LRRK2: variants seen among roughly 807,000 people sequenced by gnomAD.
The protein encoded by LRRK2 is leucine rich repeat kinase 2.
Under a neutral mutation model 302.6 loss-of-function variants are expected in LRRK2, and 203 were observed. The ratio of observed to expected loss-of-function variants is 0.67; its 90% CI spans 0.60 to 0.75. The LOEUF (loss-of-function observed/expected upper bound fraction) is 0.75. LRRK2 is among the 30% of genes least tolerant of loss of function. The probability of loss-of-function intolerance (pLI) is 0.00; values close to 1 mark genes in which losing one functional copy is unlikely to be tolerated. For synonymous variants in LRRK2, 1,066 were observed against 1,031.9 expected (o/e 1.03, Z -0.63); for missense variants, 2,830 against 2,951.0 (o/e 0.96, Z 0.95).
intron 25 of LRRK2, chr12:40,300,796 T>G (rs970602809): frequency 4.2e-6 from 2 of 471,046 alleles, no homozygotes; most frequent in Non-Finnish European, 8.8e-6. Flanking sequence ...TATATTGTGG[T>G]GCCTTCTGTG....
chr12:40,349,439 A>G (rs1946289913), intron 43 of LRRK2, among the ~76,000 whole-genome samples: 1 of 152,162 alleles, frequency 6.6e-6, no homozygotes, highest in South Asian at 2.1e-4. Context: ...TGTCGTTTGG[A>G]TTGGTCTTGG....
chr12:40,321,945 G>A (rs1289049503), intron 35 of LRRK2, 90 bp from the exon 36 acceptor site: 5 of 1,264,176 alleles, frequency 4.0e-6, no homozygotes, highest in African/African-American at 1.5e-5. Flanking sequence ...AAAATGAATA[G>A]ATCTGTATTA....
At chr12:40,240,318 A>G (rs1162112449) in intron 5 of LRRK2, among the ~76,000 whole-genome samples, 165 bp from the exon 6 acceptor site, 1 of 152,226 alleles carries the variant, frequency 6.6e-6, no homozygotes, top group African/African-American at 2.4e-5. Context: ...TTGTTTTCTC[A>G]TTATAACATT....
chr12:40,290,234 T>C (rs1455207536), intron 20 of LRRK2, among the ~76,000 whole-genome samples: 1 of 152,058 alleles, frequency 6.6e-6, no homozygotes, highest in Non-Finnish European at 1.5e-5. Context: ...ACTGATTTTC[T>C]AATGTTAAAC....
chr12:40,265,007 A>G (rs973920632), intron 14 of LRRK2, among the ~76,000 whole-genome samples: 58 of 152,206 alleles, frequency 3.8e-4, no homozygotes, highest in African/African-American at 1.4e-3. Flanking sequence ...GTGATTTGAT[A>G]TACTTTGATG....
chr12:40,308,111 A>G (rs1944898246), intron 28 of LRRK2, among the ~76,000 whole-genome samples: 2 of 152,244 alleles, frequency 1.3e-5, no homozygotes, highest in South Asian at 4.1e-4. Context: ...TACTATTTAA[A>G]GACATTAGAA....
chr12:40,368,309 T>G lies in LRRK2; in HGVS notation c.*544T>G, dbSNP rs1946938100. ...GTCCTTTGTTGGTATGTGAATTCTC[T>G]TTGTTGCTGTTGCAAACAGTGCATC... is the stretch of plus-strand genomic sequence containing the variant. On this transcript the variant is annotated 3_prime_UTR_variant, in exon 51 of 51. Transcript: ENST00000298910. 6.6e-6 allele frequency: 1 copy of G among 151,982 alleles called. No homozygotes were observed. The highest frequency in any genetic ancestry group is 2.4e-5 in the African/African-American group (1 of 41,412). 9.4% of individuals were successfully genotyped at this position (151,982 alleles called of 1,614,324 possible). A position where few individuals can be genotyped will look rare whatever the true frequency, so the allele number is the denominator to read the frequency against.
intron 46 of LRRK2, among the ~76,000 whole-genome samples, chr12:40,358,772 C>T (rs1195091784): frequency 6.6e-6 from 1 of 151,936 alleles, no homozygotes; most frequent in African/African-American, 2.4e-5. Context: ...ATCATTGGAG[C>T]TTTCATGGGA....
At chr12:40,249,716 C>T (rs889343652) in intron 7 of LRRK2, 110 bp from the exon 8 acceptor site, 5 of 1,228,650 alleles carry the variant, frequency 4.1e-6, no homozygotes, top group East Asian at 2.4e-5. Context: ...GTTTTAATGC[C>T]ATTGAATATT....
chr12:40,266,457 A>G, intron 14 of LRRK2, among the ~76,000 whole-genome samples: 1 of 152,236 alleles, frequency 6.6e-6, no homozygotes, highest in East Asian at 1.9e-4. Context: ...ATGATATACC[A>G]TCTCACACCA....
chr12:40,317,469 A>T (rs1945261348), intron 33 of LRRK2, among the ~76,000 whole-genome samples: 1 of 152,078 alleles, frequency 6.6e-6, no homozygotes, highest in African/African-American at 2.4e-5. Context: ...GAATAATTTC[A>T]TGGTGCAGAA....
intron 12 of LRRK2, among the ~76,000 whole-genome samples, chr12:40,258,578 G>A (rs941106738): frequency 2.0e-5 from 3 of 152,258 alleles, no homozygotes; most frequent in Middle Eastern, 3.4e-3. Flanking sequence ...TGGAGATTCC[G>A]CATTGGCTCT....
intron 44 of LRRK2, among the ~76,000 whole-genome samples, chr12:40,353,073 CGGCCGGGCGGG>C (rs1565774495): frequency 6.7e-6 from 1 of 150,286 alleles, no homozygotes; most frequent in African/African-American, 2.5e-5. Flanking sequence ...GACGGGGCGG[CGGCCGGGCGGG>C]GGCTGCCCCC....
At chr12:40,291,431 A>AATATAT (rs57902292) in intron 20 of LRRK2, among the ~76,000 whole-genome samples, 1,951 of 146,342 alleles carry the variant, frequency 0.013, 19 homozygotes, top group African/African-American at 0.029. Flanking sequence ...AGTATAATAA[A>AATATAT]ATATATATAT....
chr12:40,359,237 G>GTT, intron 46 of LRRK2, 23 bp from the exon 47 acceptor site: 2 of 1,502,092 alleles, frequency 1.3e-6, no homozygotes, highest in Non-Finnish European at 1.8e-6. Flanking sequence ...TGCTGAGTGT[G>GTT]TTTTCTTTTT....
chr12:40,258,650 T>G (rs936646003), intron 12 of LRRK2, among the ~76,000 whole-genome samples: 1 of 152,172 alleles, frequency 6.6e-6, no homozygotes, highest in African/African-American at 2.4e-5. Flanking sequence ...AAACAGATTA[T>G]TATAATACAG....
At chr12:40,365,327 G>T (rs1946843933) in intron 49 of LRRK2, 3 of 367,674 alleles carry the variant, frequency 8.2e-6, no homozygotes, top group East Asian at 5.1e-5. Flanking sequence ...GGCAAAAATG[G>T]GAAATACATG....
chr12:40,368,994 A>G lies in LRRK2; in HGVS notation c.*1229A>G, dbSNP rs1000592500. 2 of 151,926 alleles carry G rather than the reference A, an allele frequency of 1.3e-5. No homozygotes were observed. The highest frequency in any genetic ancestry group is 4.8e-5 in the African/African-American group (2 of 41,408). The allele number at this position is 151,926 out of a possible 1,614,324, so 9.4% of individuals were successfully genotyped here. A position where few individuals can be genotyped will look rare whatever the true frequency, so the allele number is the denominator to read the frequency against. On this transcript the variant is annotated 3_prime_UTR_variant, in exon 51 of 51. Transcript: ENST00000298910. ...GATAATTCCCTGTGATAGGACAACT[A>G]GTACATTTAATATTCTCAGAACTTA...
In LRRK2 at chr12:40,356,158, T is replaced by G; in HGVS notation, c.6814T>G (p.Leu2272Val). The G allele has an allele frequency of 6.2e-7, 1 of 1,612,252 alleles. No homozygotes were observed. Among genetic ancestry groups the G allele is most frequent in the Non-Finnish European group, 8.5e-7 (1 of 1,179,148 alleles). ...FLLVGTADGK[L>V]AIFEDKTVKL... ...TTTGGTTGGAACCGCTGATGGCAAG[T>G]TAGCAATTTTTGAAGATAAGACTGT... Residue 2272 changes from leucine (L) to valine (V), a missense_variant, in exon 46 of 51, where the codon TTA (leucine) becomes GTA (valine). This residue lies in a region of LRRK2 where 456 missense variants were observed against 456.3 expected (regional missense o/e 1.00). Coordinates refer to ENST00000298910, the MANE Select transcript of LRRK2 (RefSeq NM_198578.4).
Sources: allele counts gnomAD v4.1 joint callset (sites outside exome capture counted in the v4.1 genomes callset), GRCh38; gene constraint gnomAD v4.1.1; regional missense constraint gnomAD v4.1.1; transcripts MANE v1.5; gene names NCBI Gene and HGNC (gene_info 2026-07-23, HGNC 2026-07-21).